Variants in KMT2A observed in about 807,000 individuals in gnomAD.
The protein encoded by KMT2A is lysine methyltransferase 2A, also known as histone-lysine N-methyltransferase 2A.
A neutral mutation model predicts 345.3 loss-of-function variants in KMT2A; 16 were observed. The ratio of observed to expected loss-of-function variants is 0.05; its 90% CI spans 0.03 to 0.07. The LOEUF is 0.07. KMT2A is among the 10% of genes least tolerant of loss of function. The pLI is 1.00. For missense variants in KMT2A, 3,272 were observed against 4,841.6 expected (o/e 0.68, Z 9.62); for synonymous variants, 1,599 against 1,778.6 (o/e 0.90, Z 2.54).
rs1207156658 is a variant in KMT2A, at chr11:118,493,800, C to G, written c.5179-488C>G. Among the ~76,000 whole-genome samples the G allele has an allele frequency of 6.6e-6, 1 of 152,106 alleles. No homozygotes were observed. Among genetic ancestry groups the G allele is most frequent in the Non-Finnish European group, 1.5e-5 (1 of 68,028 alleles). ...TCTCGGCTCACTGCAACCTCTGCCT[C>G]CCGTAATCAAGTGATTCTCCTGCCT... On this transcript the variant is annotated intron_variant, in intron 16 of 35. Coordinates refer to ENST00000534358, the MANE Select transcript of KMT2A (RefSeq NM_001197104.2). The surrounding 1 kb of genome is among the most constrained non-coding windows in gnomAD (Gnocchi z 5.8).
At chr11:118,485,093 T>A (rs1169889378) in intron 10 of KMT2A, 118 bp downstream of exon 10, 1 of 692,160 alleles carries the variant, frequency 1.4e-6, no homozygotes, top group African/African-American at 1.8e-5. Context: ...TTAAACCAGC[T>A]AAAGAAATGT....
rs1410532215 is a variant in KMT2A, at chr11:118,471,772, A to G, written c.613A>G (p.Lys205Glu). The G allele has an allele frequency of 1.4e-5, 23 of 1,613,776 alleles. No homozygotes were observed. Among genetic ancestry groups the G allele is most frequent in the Non-Finnish European group, 1.9e-5 (23 of 1,179,762 alleles). ...VFSPLNKSET[K>E]SGDKIKKKDS... ...TTCCCCTCTAAATAAATCAGAGACCAAATCTGGAGATAAGATCAAGAAGAA... is the reference window on the plus strand; with the variant it reads ...TTCCCCTCTAAATAAATCAGAGACCGAATCTGGAGATAAGATCAAGAAGAA... Residue 205 changes from lysine (K) to glutamate (E), a missense_variant, in exon 3 of 36, where the codon AAA becomes GAA. Around this residue, in one of 27 missense-constraint regions of KMT2A, gnomAD observed 412 missense variants for 511.0 expected, o/e 0.81. Coordinates refer to ENST00000534358, the MANE Select transcript of KMT2A (RefSeq NM_001197104.2).
At chr11:118,440,782 ATTT>A (rs797030448) in intron 1 of KMT2A, among the ~76,000 whole-genome samples, 1 of 133,942 alleles carries the variant, frequency 7.5e-6, no homozygotes, top group African/African-American at 2.8e-5. Flanking sequence ...GGAGAGCGTG[ATTT>A]TTTTTTTTTT....
intron 1 of KMT2A, among the ~76,000 whole-genome samples, chr11:118,438,745 G>T (rs1333096392): frequency 6.6e-6 from 1 of 152,082 alleles, no homozygotes; most frequent in African/African-American, 2.4e-5. Context: ...TTAGTTGTTA[G>T]TCTTCCTGCC....
At position 118,491,674 on chromosome 11, in the gene KMT2A, A is replaced by G. The variant is rs552932611; in HGVS notation, c.4820-70A>G. 89 of 1,210,894 alleles carry G rather than the reference A, an allele frequency of 7.3e-5. No homozygotes were observed. In the African/African-American group the frequency reaches 1.2e-3, roughly 17 times the overall value. 75.0% of individuals were successfully genotyped at this position (1,210,894 alleles called of 1,614,324 possible). On this transcript the variant is annotated intron_variant, in intron 14 of 35. Coordinates refer to ENST00000534358, the MANE Select transcript of KMT2A (RefSeq NM_001197104.2). The surrounding 1 kb of genome is among the most constrained non-coding windows in gnomAD (Gnocchi z 4.2). The stretch of plus-strand genomic sequence containing the variant: ...TATGGCTTTATAGTAAGTTCAGTGG[A>G]ATAGTTTCCTCTTCTTCCTCTCTCT...
rs2134401390 is a variant in KMT2A at position 118,504,775 on chromosome 11, G to C, written c.8883G>C (p.Lys2961Asn). ...RLAVISDSGEKRVTITEKSVA... is the reference protein window; with the variant it reads ...RLAVISDSGENRVTITEKSVA... ...CTGTTATCTCAGACTCAGGGGAGAA[G>C]AGAGTAACCATCACAGAAAAATCTG... Residue 2961 changes from lysine (K) to asparagine (N), a missense_variant, in exon 27 of 36, where the codon AAG (lysine) becomes AAC (asparagine). Transcript: ENST00000534358. The surrounding 1 kb of genome is among the most constrained non-coding windows in gnomAD (Gnocchi z 6.4). 1 of 1,614,102 alleles carries C rather than the reference G, an allele frequency of 6.2e-7. No homozygotes were observed. Among genetic ancestry groups the C allele is most frequent in the Non-Finnish European group, 8.5e-7 (1 of 1,180,008 alleles).
chr11:118,492,548 G>A (rs577138679), intron 15 of KMT2A, among the ~76,000 whole-genome samples: 3 of 152,140 alleles, frequency 2.0e-5, no homozygotes, highest in Non-Finnish European at 2.9e-5. Context: ...GCATGGTAGC[G>A]GTCACCTGTA....
At chr11:118,492,607 C>T (rs964616145) in intron 15 of KMT2A, among the ~76,000 whole-genome samples, 52 of 152,100 alleles carry the variant, frequency 3.4e-4, no homozygotes, top group African/African-American at 1.2e-3. Context: ...TGAACCTGGG[C>T]GGCGGAGCTT....
At chr11:118,507,819 C>A in intron 28 of KMT2A, 3 of 461,492 alleles carry the variant, frequency 6.5e-6, no homozygotes, top group South Asian at 2.2e-5. Context: ...AAGAATTAGC[C>A]GGGCGTGATG....
At chr11:118,443,467 G>A (rs553431895) in intron 1 of KMT2A, among the ~76,000 whole-genome samples, 23 of 152,238 alleles carry the variant, frequency 1.5e-4, no homozygotes, top group Non-Finnish European at 2.1e-4. Context: ...CCAAACATTC[G>A]CTTCTAAAGA....
At position 118,501,876 on chromosome 11, in the gene KMT2A, C is replaced by G. The variant is rs1031798072; in HGVS notation, c.6505+19C>G. ...TCTGCAGGTAAAAGACTTTATTGAC[C>G]TACTTGACCTAAGAAGATCAGCCCA... On this transcript the variant is annotated intron_variant, in intron 26 of 35. Coordinates refer to ENST00000534358, the MANE Select transcript of KMT2A (RefSeq NM_001197104.2). 2 of 1,587,664 alleles carry G rather than the reference C, an allele frequency of 1.3e-6. No individual in the cohort carries two copies. Among genetic ancestry groups the G allele is most frequent in the Non-Finnish European group, 1.7e-6 (2 of 1,164,156 alleles).
chr11:118,513,536 T>C (rs1312162043), intron 31 of KMT2A, among the ~76,000 whole-genome samples: 1 of 152,092 alleles, frequency 6.6e-6, no homozygotes, highest in Non-Finnish European at 1.5e-5. Context: ...TATAACACCC[T>C]GTGTATTTTT....
Position 118,498,396 on chromosome 11 carries a change from A to C in KMT2A, c.5829A>C (p.Gly1943=). The C allele has an allele frequency of 1.2e-6, 2 of 1,612,194 alleles. No homozygotes were observed. The highest frequency in any genetic ancestry group is 1.7e-6 in the Non-Finnish European group (2 of 1,179,510). The change falls in exon 22 of 36, where the codon GGA becomes GGC. Residue 1943 remains glycine (G), a synonymous_variant. Transcript: ENST00000534358. This position sits in a 1 kb window ranked among gnomAD's most constrained non-coding sequence, Gnocchi z 4.4. Reference sequence around the variant, plus strand: ...GATGTGAATTCTGCCAAAAGCCAGGAGCCACCGTGGGTTGCTGTCTCACAT... The same window carrying C: ...GATGTGAATTCTGCCAAAAGCCAGGCGCCACCGTGGGTTGCTGTCTCACAT... ...QLRCEFCQKP[G]ATVGCCLTSC...
intron 31 of KMT2A, among the ~76,000 whole-genome samples, chr11:118,517,875 C>A (rs1950857907): frequency 6.6e-6 from 1 of 152,018 alleles, no homozygotes; most frequent in Admixed American, 6.6e-5. Context: ...AGACAACATT[C>A]TTTTTGTTTG....
rs2134406755 is a variant in KMT2A at position 118,505,521 on chromosome 11, T to A, written c.9629T>A (p.Leu3210His). Reference protein sequence around the residue: ...LVSESSQRTDLSTTVATPSSG... With the variant: ...LVSESSQRTDHSTTVATPSSG... ...TCAGAATCCAGCCAGAGGACAGACC[T>A]CAGTACCACAGTAGCCACTCCATCC... The change falls in exon 27 of 36, where the codon CTC becomes CAC. Residue 3210 changes from leucine (L) to histidine (H), a missense_variant. This residue lies in a region of KMT2A where 748 missense variants were observed against 922.2 expected (regional missense o/e 0.81). Transcript: ENST00000534358. The surrounding 1 kb of genome is among the most constrained non-coding windows in gnomAD (Gnocchi z 4.6). The A allele has an allele frequency of 6.2e-7, 1 of 1,614,122 alleles. No homozygotes were observed. Among genetic ancestry groups the A allele is most frequent in the East Asian group, 2.2e-5 (1 of 44,880 alleles).
At chr11:118,488,586 C>A (rs782649425) in intron 10 of KMT2A, 28 bp from the exon 11 acceptor site, 2 of 1,609,090 alleles carry the variant, frequency 1.2e-6, no homozygotes, top group South Asian at 1.1e-5. Context: ...ATTTGACATA[C>A]TTCTATCTTC....
At chr11:118,458,191 C>G in intron 1 of KMT2A, 1 of 369,580 alleles carries the variant, frequency 2.7e-6, no homozygotes, top group Non-Finnish European at 5.5e-6. Context: ...TTAAGTGATT[C>G]TCCCACCTCA....
At chr11:118,499,529 A>C (rs1950465161) in intron 23 of KMT2A, 109 bp downstream of exon 23, 1 of 781,612 alleles carries the variant, frequency 1.3e-6, no homozygotes, top group Non-Finnish European at 2.2e-6. Flanking sequence ...CACGCCTGTA[A>C]TCCCAGCACT....
In KMT2A at chr11:118,494,795, TCTC is replaced by T. The variant is rs1950378593; in HGVS notation, c.5363+32_5363+34del. On this transcript the variant is annotated intron_variant, in intron 18 of 35. Coordinates refer to ENST00000534358, the MANE Select transcript of KMT2A (RefSeq NM_001197104.2). The surrounding 1 kb of genome is among the most constrained non-coding windows in gnomAD (Gnocchi z 5.8). ...AAGTGAATTTAGCATAACTTTTTTT[TCTC>T]CTCATCGGCTAGAAATCTGAGAGTT... 1.3e-6 allele frequency: 2 copies of T among 1,556,074 alleles called. No homozygotes were observed. Among genetic ancestry groups the T allele is most frequent in the Middle Eastern group, 1.7e-4 (1 of 5,880 alleles).
Sources: gnomAD v4.1 joint callset for allele counts (sites outside exome capture counted in the v4.1 genomes callset) on GRCh38, gnomAD v4.1.1 for gene constraint, gnomAD v4.1.1 regional missense constraint, Gnocchi (gnomAD v3.1) non-coding constraint, MANE v1.5 for transcripts, NCBI Gene and HGNC (gene_info 2026-07-23, HGNC 2026-07-21) for gene names.